Variants in PYGO1 observed in about 807,000 individuals in gnomAD.
The protein encoded by PYGO1 is pygopus homolog 1.
PYGO1 carries 6 observed loss-of-function variants against 29.5 expected under a neutral mutation model. The ratio of observed to expected loss-of-function variants is 0.20; its 90% CI spans 0.11 to 0.40. The LOEUF is 0.40. Among genes scored for constraint, PYGO1 ranks in the 10% least tolerant of loss-of-function variants. The probability of loss-of-function intolerance (pLI) is 1.00; values close to 1 mark genes in which losing one functional copy is unlikely to be tolerated. For missense variants in PYGO1, 515 were observed against 514.9 expected (o/e 1.00, Z 0.00); for synonymous variants, 186 against 180.5 (o/e 1.03, Z -0.24).
chr15:55,577,054 G>C (rs2059006028), intron 1 of PYGO1, among the ~76,000 whole-genome samples: 1 of 151,784 alleles, frequency 6.6e-6, no homozygotes, highest in South Asian at 2.1e-4. Flanking sequence ...ACAAGGAAGA[G>C]TTCTGTTGAA....
At chr15:55,569,247 T>C (rs1430414687) in intron 1 of PYGO1, among the ~76,000 whole-genome samples, 6 of 152,202 alleles carry the variant, frequency 3.9e-5, no homozygotes, top group Admixed American at 1.3e-4. Context: ...GTTTGTTTCA[T>C]TGATACTTTG....
intron 1 of PYGO1, among the ~76,000 whole-genome samples, chr15:55,566,468 C>T (rs772878604): frequency 2.6e-5 from 4 of 151,522 alleles, no homozygotes; most frequent in Admixed American, 2.0e-4. Context: ...AGTCTTTATC[C>T]AATCCACCAC....
intron 1 of PYGO1, among the ~76,000 whole-genome samples, chr15:55,568,755 G>A (rs1041923731): frequency 2.0e-5 from 3 of 152,100 alleles, no homozygotes; most frequent in African/African-American, 7.2e-5. Flanking sequence ...TTATTTGGAA[G>A]TATGTTCGTT....
chr15:55,540,407 T>C lies in PYGO1; in HGVS notation c.*5616A>G, dbSNP rs1319747021. On this transcript the variant is annotated 3_prime_UTR_variant, in exon 3 of 3. Coordinates refer to ENST00000563719, the MANE Select transcript of PYGO1 (RefSeq NM_001367806.1). The stretch of plus-strand genomic sequence containing the variant: ...ACTATATAATTTTAGTAGTATGTGC[T>C]AAAAAATCCTAATATGCACTGCCAT... The C allele has an allele frequency of 1.3e-5, 2 of 152,100 alleles. No individual in the cohort carries two copies. Among genetic ancestry groups the C allele is most frequent in the Middle Eastern group, 3.2e-3 (1 of 316 alleles). The allele number at this position is 152,100 out of a possible 1,614,324, so 9.4% of individuals were successfully genotyped here. A position where few individuals can be genotyped will look rare whatever the true frequency, so the allele number is the denominator to read the frequency against.
At chr15:55,547,407 C>T (rs1406043854) in intron 2 of PYGO1, among the ~76,000 whole-genome samples, 1 of 152,148 alleles carries the variant, frequency 6.6e-6, no homozygotes, top group Non-Finnish European at 1.5e-5. Context: ...ATTGTAACTT[C>T]AAAAACCAAA....
At chr15:55,561,063 A>G (rs1323949654) in intron 1 of PYGO1, among the ~76,000 whole-genome samples, 1 of 152,232 alleles carries the variant, frequency 6.6e-6, no homozygotes, top group African/African-American at 2.4e-5. Context: ...AGGTGGAGGC[A>G]TCACACTACC....
At chr15:55,573,222 C>T (rs1322512779) in intron 1 of PYGO1, among the ~76,000 whole-genome samples, 3 of 152,016 alleles carry the variant, frequency 2.0e-5, no homozygotes, top group Admixed American at 6.6e-5. Flanking sequence ...AGGAGAATCG[C>T]TTAAGCCTGG....
At position 55,545,518 on chromosome 15, in the gene PYGO1, G is replaced by A. The variant is rs2058845639; in HGVS notation, c.*505C>T. On this transcript the variant is annotated 3_prime_UTR_variant, in exon 3 of 3. Transcript: ENST00000563719. ...ATTCATTGATTCCAAAGACCCTAGT[G>A]GAGGAGGAATCTGGTGTCATACTAT... 1 of 152,330 alleles carries A rather than the reference G, an allele frequency of 6.6e-6. No individual in the cohort carries two copies. The highest frequency in any genetic ancestry group is 1.5e-5 in the Non-Finnish European group (1 of 68,238). 9.4% of individuals were successfully genotyped at this position (152,330 alleles called of 1,614,324 possible). A position where few individuals can be genotyped will look rare whatever the true frequency, so the allele number is the denominator to read the frequency against.
intron 1 of PYGO1, among the ~76,000 whole-genome samples, chr15:55,575,104 TCA>T (rs1378847240): frequency 6.6e-6 from 1 of 152,226 alleles, no homozygotes; most frequent in Non-Finnish European, 1.5e-5. Flanking sequence ...TTGCCCAAGG[TCA>T]CAGAGTTGTG....
intron 1 of PYGO1, among the ~76,000 whole-genome samples, chr15:55,555,555 G>A (rs951067876): frequency 1.3e-5 from 2 of 148,716 alleles, no homozygotes; most frequent in African/African-American, 4.9e-5. Flanking sequence ...GATAGCATTA[G>A]GAGATATACC....
At chr15:55,580,892 T>C (rs888950468) in intron 1 of PYGO1, among the ~76,000 whole-genome samples, 1 of 152,096 alleles carries the variant, frequency 6.6e-6, no homozygotes, top group African/African-American at 2.4e-5. Flanking sequence ...TCTACACACC[T>C]GGGAAAAGCA....
chr15:55,586,488 A>C (rs1292483562), intron 1 of PYGO1, among the ~76,000 whole-genome samples: 5 of 152,214 alleles, frequency 3.3e-5, no homozygotes, highest in African/African-American at 9.7e-5. Context: ...TACTATTAAA[A>C]TGCTATAATT....
chr15:55,572,322 A>G (rs747485987), intron 1 of PYGO1, among the ~76,000 whole-genome samples: 1 of 152,228 alleles, frequency 6.6e-6, no homozygotes, highest in Non-Finnish European at 1.5e-5. Flanking sequence ...CCCTCCAACA[A>G]ATGGTGCTGG....
At chr15:55,565,532 C>T (rs1325584162) in intron 1 of PYGO1, among the ~76,000 whole-genome samples, 2 of 151,344 alleles carry the variant, frequency 1.3e-5, no homozygotes, top group Admixed American at 6.6e-5. Flanking sequence ...GGTGAAACCC[C>T]ATCTCTACTA....
At chr15:55,586,983 C>T (rs1567062055) in intron 1 of PYGO1, among the ~76,000 whole-genome samples, 1 of 152,204 alleles carries the variant, frequency 6.6e-6, no homozygotes, top group East Asian at 1.9e-4. Context: ...TGCTGTATCC[C>T]AGTAACAAGA....
rs539724854 is a variant in PYGO1, at chr15:55,556,675, C to CA, written c.50-7681dup. 2.2e-3 allele frequency among the ~76,000 whole-genome samples: 303 copies of CA among 140,536 alleles called. 1 individual carries two copies. Among genetic ancestry groups the CA allele is most frequent in the African/African-American group, 8.2e-3 (290 of 35,460 alleles). 92.2% of individuals were successfully genotyped at this position (140,536 alleles called of 152,430 possible). A position where few individuals can be genotyped will look rare whatever the true frequency, so the allele number is the denominator to read the frequency against. On this transcript the variant is annotated intron_variant, in intron 1 of 2. Coordinates refer to ENST00000563719, the MANE Select transcript of PYGO1 (RefSeq NM_001367806.1). The stretch of plus-strand genomic sequence containing the variant: ...AGCAGAACTGAAGGAGACAGAGACA[C>CA]AAAAAACCCTTCAAAAAAAAAAATC...
chr15:55,549,946 T>G (rs1464719052), intron 1 of PYGO1, among the ~76,000 whole-genome samples: 1 of 152,152 alleles, frequency 6.6e-6, no homozygotes, highest in Non-Finnish European at 1.5e-5. Flanking sequence ...CAGTACTACT[T>G]TGAAGAAAAT....
At chr15:55,576,182 C>T (rs948050021) in intron 1 of PYGO1, among the ~76,000 whole-genome samples, 5 of 152,010 alleles carry the variant, frequency 3.3e-5, no homozygotes, top group East Asian at 1.9e-4. Context: ...AGAGGCCGGG[C>T]GCGGTGGCTC....
rs2058834635 is a variant in PYGO1 at position 55,543,043 on chromosome 15, G to A, written c.*2980C>T. The A allele has an allele frequency of 6.6e-6, 1 of 151,754 alleles. No individual in the cohort carries two copies. The highest frequency in any genetic ancestry group is 2.1e-4 in the South Asian group (1 of 4,796). The allele number at this position is 151,754 out of a possible 1,614,324, so 9.4% of individuals were successfully genotyped here. A position where few individuals can be genotyped will look rare whatever the true frequency, so the allele number is the denominator to read the frequency against. ...TCATAGTTAGCCAGGTTGAATTTAA[G>A]CAAAACTCAAGGATGTTGGAGAAAC... On this transcript the variant is annotated 3_prime_UTR_variant, in exon 3 of 3. Coordinates refer to ENST00000563719, the MANE Select transcript of PYGO1 (RefSeq NM_001367806.1).
Sources: gnomAD v4.1 joint callset for allele counts (sites outside exome capture counted in the v4.1 genomes callset) on GRCh38, gnomAD v4.1.1 for gene constraint, MANE v1.5 for transcripts, NCBI Gene and HGNC (gene_info 2026-07-23, HGNC 2026-07-21) for gene names.